Variants in CHEK1 observed in about 807,000 individuals in gnomAD.
CHEK1 encodes the protein serine/threonine-protein kinase Chk1.
In CHEK1, 32 loss-of-function variants were observed where a neutral mutation model predicts 60.2. That is an observed-to-expected ratio of 0.53 (90% CI 0.40 to 0.71). The LOEUF (loss-of-function observed/expected upper bound fraction) is 0.71, where lower values mean the gene tolerates loss of function less well. Ranked by LOEUF, CHEK1 falls within the 30% of genes least tolerant of loss-of-function variation. The pLI, the probability that CHEK1 is intolerant of heterozygous loss-of-function variation, is 0.00. For synonymous variants in CHEK1, 179 were observed against 187.2 expected (o/e 0.96, Z 0.36); for missense variants, 399 against 564.6 (o/e 0.71, Z 2.97).
downstream of CHEK1, among the ~76,000 whole-genome samples, chr11:125,659,552 A>G (rs1340586816): frequency 6.6e-6 from 1 of 151,988 alleles, no homozygotes; most frequent in Non-Finnish European, 1.5e-5. Flanking sequence ...TTTTTCTAAT[A>G]TTGTTATGAC....
intron 11 of CHEK1, among the ~76,000 whole-genome samples, chr11:125,648,435 A>C (rs1285080675): frequency 6.6e-6 from 1 of 152,062 alleles, no homozygotes; most frequent in Non-Finnish European, 1.5e-5. Context: ...ACAAAAAATT[A>C]GCTGGGCGTG....
chr11:125,643,761 T>C, intron 8 of CHEK1, 31 bp from the exon 9 acceptor site: 2 of 1,565,832 alleles, frequency 1.3e-6, no homozygotes, highest in South Asian at 1.1e-5. Flanking sequence ...ATAGAAGACT[T>C]GAAAGCATTT....
At chr11:125,658,620 T>G (rs1442707513), downstream of CHEK1, among the ~76,000 whole-genome samples, 1 of 151,340 alleles carries the variant, frequency 6.6e-6, no homozygotes, top group African/African-American at 2.4e-5. Flanking sequence ...CATTCATTAC[T>G]CCAAGATCAT....
intron 11 of CHEK1, among the ~76,000 whole-genome samples, chr11:125,648,280 T>C (rs1274965115): frequency 1.3e-5 from 2 of 152,142 alleles, no homozygotes. Flanking sequence ...GGTTTTTTAA[T>C]ATATTAAGAT....
Position 125,633,216 on chromosome 11 carries a change from C to A in CHEK1, c.478C>A (p.Arg160Ser). ...GGCAACAGTATTTCGGTATAATAAT[C>A]GTGAGCGTTTGTTGAACAAGATGTG... ...GLATVFRYNN[R>S]ERLLNKMCGT... Residue 160 changes from arginine to serine, a missense_variant, in exon 6 of 13, where the codon CGT becomes AGT. Coordinates refer to ENST00000438015, the MANE Select transcript of CHEK1 (RefSeq NM_001114122.3). 6.2e-7 allele frequency: 1 copy of A among 1,604,002 alleles called. No homozygotes were observed. Among genetic ancestry groups the A allele is most frequent in the Non-Finnish European group, 8.5e-7 (1 of 1,177,312 alleles).
At chr11:125,628,775 G>A (rs141918480) in intron 3 of CHEK1, among the ~76,000 whole-genome samples, 3 of 152,132 alleles carry the variant, frequency 2.0e-5, no homozygotes, top group Non-Finnish European at 2.9e-5. Flanking sequence ...GAACAAGACC[G>A]TATCTCTAAA....
At chr11:125,629,846 G>T (rs557726930) in intron 5 of CHEK1, among the ~76,000 whole-genome samples, 5 of 151,752 alleles carry the variant, frequency 3.3e-5, no homozygotes, top group African/African-American at 1.2e-4. Flanking sequence ...TCAGCTTCCC[G>T]AGTAGCTAGG....
At position 125,626,832 on chromosome 11, in the gene CHEK1, G is replaced by A; in HGVS notation, c.64G>A (p.Glu22Lys). The A allele has an allele frequency of 1.2e-6, 2 of 1,614,178 alleles. No individual in the cohort carries two copies. The highest frequency in any genetic ancestry group is 3.3e-5 in the Admixed American group (2 of 60,020). ...VQTLGEGAYG[E>K]VQLAVNRVTE... is the part of the protein sequence containing the mutation. ...AACCCTGGGAGAAGGTGCCTATGGA[G>A]AGTGAGTTCTTTTAAGCTTGCCTTC... is the stretch of plus-strand genomic sequence containing the variant. The change falls in exon 2 of 13, where the codon GAA becomes AAA. Residue 22 changes from glutamate (E) to lysine (K), a missense_variant and splice_region_variant. This residue lies in a region of CHEK1 where 370 missense variants were observed against 494.8 expected (regional missense o/e 0.75). Coordinates refer to ENST00000438015, the MANE Select transcript of CHEK1 (RefSeq NM_001114122.3).
At chr11:125,628,090 A>G (rs893454530) in intron 3 of CHEK1, among the ~76,000 whole-genome samples, 2 of 152,216 alleles carry the variant, frequency 1.3e-5, no homozygotes, top group African/African-American at 4.8e-5. Context: ...AAGAGTGACA[A>G]ACAAGTTTTA....
intron 8 of CHEK1, among the ~76,000 whole-genome samples, chr11:125,641,185 C>G (rs1400819000): frequency 6.6e-6 from 1 of 152,174 alleles, no homozygotes; most frequent in Non-Finnish European, 1.5e-5. Context: ...GTAGTCAGTT[C>G]TCAGACCTCT....
chr11:125,642,725 G>A (rs956367943), intron 8 of CHEK1: 6 of 152,156 alleles, frequency 3.9e-5, no homozygotes, highest in African/African-American at 9.7e-5. Flanking sequence ...ATGAACATTT[G>A]ATGGGAGAAT....
At position 125,662,612 on chromosome 11, in the gene CHEK1, A is replaced by G. The variant is rs185400403; in HGVS notation, c.*27+7265A>G. Among the ~76,000 whole-genome samples, 29 of 152,308 alleles carry G rather than the reference A, an allele frequency of 1.9e-4. 1 individual carries two copies. Among genetic ancestry groups the G allele is most frequent in the African/African-American group, 6.5e-4 (27 of 41,562 alleles). On this transcript the variant is annotated intron_variant, in intron 13 of 13. Coordinates refer to the CHEK1 transcript ENST00000428830. The stretch of plus-strand genomic sequence containing the variant: ...TTTATTGCTATGTGGTATCCACGGT[A>G]TTGTTTAACCATTCACCTGTTGAAG...
intron 11 of CHEK1, among the ~76,000 whole-genome samples, chr11:125,651,741 G>T (rs1565380665): frequency 6.6e-6 from 1 of 152,096 alleles, no homozygotes; most frequent in Non-Finnish European, 1.5e-5. Flanking sequence ...GGATAAACAG[G>T]GTAAGTTAAA....
In CHEK1 at chr11:125,665,424, T is replaced by TATTG; in HGVS notation, c.*27+10078_*27+10081dup. 5.3e-5 allele frequency among the ~76,000 whole-genome samples: 8 copies of TATTG among 152,250 alleles called. 1 individual carries two copies. The highest frequency in any genetic ancestry group is 1.9e-4 in the African/African-American group (8 of 41,562). ...TTTTTGCATCTATATTTATCAGGGA[T>TATTG]ATTGGTCTGGAATTTTCTTTTTATG... On this transcript the variant is annotated intron_variant, in intron 13 of 13. Transcript: ENST00000428830.
intron 13 of CHEK1, among the ~76,000 whole-genome samples, chr11:125,662,342 TC>T (rs1023129288): frequency 6.6e-6 from 1 of 152,176 alleles, no homozygotes; most frequent in Non-Finnish European, 1.5e-5. Flanking sequence ...GGGCACTAAT[TC>T]CATTCAGGAA....
chr11:125,675,112 G>T (rs1343571150), intron 13 of CHEK1, among the ~76,000 whole-genome samples: 1 of 152,168 alleles, frequency 6.6e-6, no homozygotes, highest in Non-Finnish European at 1.5e-5. Flanking sequence ...AGAGATCCTG[G>T]TTTAATTGCT....
rs1491232730 is a variant in CHEK1 at position 125,651,284 on chromosome 11, C to CTTTTTT, written c.1234-2461_1234-2460insTTTTTT. On this transcript the variant is annotated intron_variant, in intron 11 of 12. Transcript: ENST00000438015. The stretch of plus-strand genomic sequence containing the variant: ...TTACAAAGGTGAAATAAAGACAAGC[C>CTTTTTT]TCTTTTTTTTTTTTTTTTTTTGAGA... 4.5e-5 allele frequency among the ~76,000 whole-genome samples: 6 copies of CTTTTTT among 133,188 alleles called. 1 individual carries two copies. Among genetic ancestry groups the CTTTTTT allele is most frequent in the Non-Finnish European group, 4.7e-5 (3 of 63,170 alleles). 87.4% of individuals were successfully genotyped at this position (133,188 alleles called of 152,430 possible).
chr11:125,668,043 T>C (rs1015703811), intron 13 of CHEK1, among the ~76,000 whole-genome samples: 5 of 152,244 alleles, frequency 3.3e-5, no homozygotes, highest in Non-Finnish European at 7.3e-5. Flanking sequence ...TAATTCAGTA[T>C]GTATTTCCTT....
At chr11:125,676,509 T>A, downstream of CHEK1, 1 of 1,613,624 alleles carries the variant, frequency 6.2e-7, no homozygotes, top group Non-Finnish European at 8.5e-7. Flanking sequence ...TGATGACATT[T>A]CCTTGTGGAC....
Sources: allele counts gnomAD v4.1 joint callset (sites outside exome capture counted in the v4.1 genomes callset), GRCh38; gene constraint gnomAD v4.1.1; regional missense constraint gnomAD v4.1.1; transcripts MANE v1.5; gene names NCBI Gene and HGNC (gene_info 2026-07-23, HGNC 2026-07-21).